Variants in WWOX observed in about 807,000 individuals in gnomAD.
WWOX encodes WW domain-containing oxidoreductase.
Under a neutral mutation model 46.2 loss-of-function variants are expected in WWOX, and 69 were observed. The observed-to-expected ratio is 1.49, with a 90% confidence interval of 1.23 to 1.82. The LOEUF (loss-of-function observed/expected upper bound fraction) is 1.82. WWOX is among the 40% of genes most tolerant of loss of function. The pLI is 0.00. For synonymous variants in WWOX, 359 were observed against 202.6 expected (o/e 1.77, Z -6.56); for missense variants, 919 against 542.6 (o/e 1.69, Z -6.89).
chr16:78,130,868 T>G (rs1055490278), intron 4 of WWOX, among the ~76,000 whole-genome samples: 9 of 152,204 alleles, frequency 5.9e-5, no homozygotes, highest in Admixed American at 5.2e-4. Flanking sequence ...ATGACAGAGA[T>G]ATGATCTGAG....
At chr16:78,910,552 A>T (rs1423725923) in intron 8 of WWOX, among the ~76,000 whole-genome samples, 3 of 150,870 alleles carry the variant, frequency 2.0e-5, no homozygotes, top group Non-Finnish European at 3.0e-5. Context: ...GTCTTTTCTC[A>T]TACTACTGAG....
chr16:78,587,345 T>C (rs2045234975), intron 8 of WWOX, among the ~76,000 whole-genome samples: 1 of 151,954 alleles, frequency 6.6e-6, no homozygotes, highest in African/African-American at 2.4e-5. Context: ...GTTAGTATTC[T>C]TTACATTTTT....
At chr16:78,513,570 G>A (rs937521207) in intron 8 of WWOX, among the ~76,000 whole-genome samples, 1 of 152,156 alleles carries the variant, frequency 6.6e-6, no homozygotes, top group African/African-American at 2.4e-5. Context: ...TTTTGGTGAA[G>A]GAATGATCCA....
At chr16:78,925,180 G>A (rs149104830) in intron 8 of WWOX, among the ~76,000 whole-genome samples, 4 of 152,300 alleles carry the variant, frequency 2.6e-5, no homozygotes, top group Admixed American at 2.6e-4. Flanking sequence ...GCATGAGAAC[G>A]TAAAACCCTG....
chr16:78,414,424 C>T (rs1329597456), intron 6 of WWOX, among the ~76,000 whole-genome samples: 2 of 152,118 alleles, frequency 1.3e-5, no homozygotes, highest in Non-Finnish European at 2.9e-5. Context: ...CAAAAATTAG[C>T]TGGGCATGGT....
chr16:78,648,617 G>C (rs560773610), intron 8 of WWOX, among the ~76,000 whole-genome samples: 1 of 152,266 alleles, frequency 6.6e-6, no homozygotes, highest in South Asian at 2.1e-4. Context: ...GGACCAACCA[G>C]AGAAAGCCAC....
intron 8 of WWOX, among the ~76,000 whole-genome samples, chr16:79,059,578 C>T (rs2048323822): frequency 6.6e-6 from 1 of 152,168 alleles, no homozygotes; most frequent in Non-Finnish European, 1.5e-5. Flanking sequence ...GCAGCCTCCG[C>T]CTTCCGGGTT....
At chr16:78,972,094 C>T (rs2046482283) in intron 8 of WWOX, among the ~76,000 whole-genome samples, 1 of 152,166 alleles carries the variant, frequency 6.6e-6, no homozygotes, top group South Asian at 2.1e-4. Context: ...CAGCCCAGAC[C>T]TCTCAGGAAA....
At chr16:78,376,959 ATTT>A (rs1394578476) in intron 5 of WWOX, among the ~76,000 whole-genome samples, 1 of 152,184 alleles carries the variant, frequency 6.6e-6, no homozygotes, top group African/African-American at 2.4e-5. Context: ...TTTTTATTGA[ATTT>A]AACCACTATT....
At chr16:79,029,197 T>A (rs573295386) in intron 8 of WWOX, among the ~76,000 whole-genome samples, 1 of 152,098 alleles carries the variant, frequency 6.6e-6, no homozygotes, top group East Asian at 1.9e-4. Context: ...TGGGTACAGA[T>A]GCACAGGAGA....
chr16:79,144,980 C>A (rs1231551119), intron 8 of WWOX, among the ~76,000 whole-genome samples: 3 of 152,228 alleles, frequency 2.0e-5, no homozygotes, highest in African/African-American at 4.8e-5. Context: ...AGGCTTTAGG[C>A]ATCTACTGGG....
At chr16:78,322,981 G>C (rs1454267831) in intron 5 of WWOX, among the ~76,000 whole-genome samples, 2 of 152,138 alleles carry the variant, frequency 1.3e-5, no homozygotes, top group Admixed American at 6.5e-5. Context: ...CTGGCATTGG[G>C]TTAGGTTTGG....
chr16:79,012,545 T>G (rs2047332196), intron 8 of WWOX, among the ~76,000 whole-genome samples: 1 of 152,164 alleles, frequency 6.6e-6, no homozygotes, highest in African/African-American at 2.4e-5. Context: ...ACATATGAAT[T>G]TTTAATTTGA....
intron 8 of WWOX, among the ~76,000 whole-genome samples, chr16:78,601,883 G>A (rs562629049): frequency 2.6e-5 from 4 of 152,238 alleles, no homozygotes; most frequent in African/African-American, 9.6e-5. Context: ...TGTTTTAAGT[G>A]CCGAGCTGGG....
intron 8 of WWOX, among the ~76,000 whole-genome samples, chr16:79,068,409 G>A (rs181662017): frequency 6.6e-6 from 1 of 152,032 alleles, no homozygotes; most frequent in Non-Finnish European, 1.5e-5. Flanking sequence ...GTTCCTGAGA[G>A]TAGCTCTGTG....
chr16:78,436,326 G>A (rs1370854390), intron 8 of WWOX, among the ~76,000 whole-genome samples: 1 of 152,180 alleles, frequency 6.6e-6, no homozygotes, highest in Admixed American at 6.5e-5. Context: ...TCCAGGTGAA[G>A]GGACCCTGGT....
chr16:78,739,333 A>C (rs1258078354), intron 8 of WWOX, among the ~76,000 whole-genome samples: 2 of 152,140 alleles, frequency 1.3e-5, no homozygotes, highest in Admixed American at 6.5e-5. Flanking sequence ...CGTTCCCAAC[A>C]CTCGCAGCAG....
intron 8 of WWOX, among the ~76,000 whole-genome samples, chr16:78,926,995 C>A (rs377112997): frequency 6.6e-6 from 1 of 152,112 alleles, no homozygotes; most frequent in Non-Finnish European, 1.5e-5. Context: ...GGGGTTTTGG[C>A]ATGTTTCCCA....
Position 78,327,921 on chromosome 16 carries a change from G to T in WWOX, c.517-58939G>T, listed in dbSNP as rs76374226. 1.6e-3 allele frequency among the ~76,000 whole-genome samples: 218 copies of T among 132,168 alleles called. 7 individuals are homozygous for T. In the East Asian group the frequency reaches 0.032, roughly 19 times the overall value. The allele number at this position is 132,168 out of a possible 152,430, so 86.7% of individuals were successfully genotyped here. The stretch of plus-strand genomic sequence containing the variant: ...TGAGATGATCTTCTTCTGTTGCCCA[G>T]GCTGGAGTACAGTTGTACAATCTTG... On this transcript the variant is annotated intron_variant, in intron 5 of 8. Transcript: ENST00000566780.
Sources: allele counts gnomAD v4.1 joint callset (sites outside exome capture counted in the v4.1 genomes callset), GRCh38; gene constraint gnomAD v4.1.1; transcripts MANE v1.5; gene names NCBI Gene and HGNC (gene_info 2026-07-23, HGNC 2026-07-21).